The following MAD1L1 variants were observed in gnomAD, a reference collection of about 807,000 sequenced individuals.
MAD1L1 encodes the protein mitotic arrest deficient 1 like 1, also known as mitotic spindle assembly checkpoint protein MAD1.
Under a neutral mutation model 96.9 loss-of-function variants are expected in MAD1L1, and 95 were observed. The ratio of observed to expected loss-of-function variants is 0.98; its 90% CI spans 0.83 to 1.16. The LOEUF (loss-of-function observed/expected upper bound fraction) is 1.16. Among genes scored for constraint, MAD1L1 ranks in the 50% most tolerant of loss-of-function variants. MAD1L1 has a pLI of 0.00. For missense variants in MAD1L1, 1,007 were observed against 954.4 expected, an observed-to-expected ratio of 1.06 and a Z score of -0.73; for synonymous variants, 473 against 396.6, an observed-to-expected ratio of 1.19 and a Z score of -2.29.
intron 10 of MAD1L1, among the ~76,000 whole-genome samples, chr7:2,206,188 A>G (rs535311079): frequency 1.3e-5 from 2 of 152,320 alleles, no homozygotes; most frequent in East Asian, 3.8e-4. Context: ...CATTTTTTAA[A>G]CTATGGTAAT....
At chr7:1,987,066 C>A (rs917204701) in intron 14 of MAD1L1, among the ~76,000 whole-genome samples, 1 of 152,172 alleles carries the variant, frequency 6.6e-6, no homozygotes, top group African/African-American at 2.4e-5. Flanking sequence ...TCCACCTACA[C>A]CCCCCGCTCC....
At chr7:1,909,524 A>G (rs1274368129) in intron 17 of MAD1L1, among the ~76,000 whole-genome samples, 1 of 152,194 alleles carries the variant, frequency 6.6e-6, no homozygotes, top group African/African-American at 2.4e-5. Flanking sequence ...TCTGCAAGAG[A>G]CTGTAGGAGG....
At chr7:2,174,836 T>G (rs1469806380) in intron 10 of MAD1L1, among the ~76,000 whole-genome samples, 1 of 152,222 alleles carries the variant, frequency 6.6e-6, no homozygotes, top group African/African-American at 2.4e-5. Flanking sequence ...AATTTCCATT[T>G]CCTCTACACT....
chr7:2,061,506 C>G (rs562106167), intron 12 of MAD1L1, among the ~76,000 whole-genome samples: 1 of 152,220 alleles, frequency 6.6e-6, no homozygotes, highest in African/African-American at 2.4e-5. Flanking sequence ...CAACAGCTTT[C>G]GAGTACAGGC....
intron 12 of MAD1L1, among the ~76,000 whole-genome samples, chr7:2,048,250 G>T (rs927462142): frequency 6.6e-6 from 1 of 152,244 alleles, no homozygotes; most frequent in Non-Finnish European, 1.5e-5. Flanking sequence ...GTCGGGCAGC[G>T]GGGTAGGTGT....
chr7:1,846,070 A>C (rs1783603812), intron 18 of MAD1L1: 1 of 152,748 alleles, frequency 6.5e-6, no homozygotes, highest in Non-Finnish European at 1.5e-5. Context: ...AGGCAGTCTC[A>C]GGCTGTAGCT....
At chr7:2,100,669 AG>A (rs1263787939) in intron 11 of MAD1L1, among the ~76,000 whole-genome samples, 1 of 152,234 alleles carries the variant, frequency 6.6e-6, no homozygotes, top group Non-Finnish European at 1.5e-5. Context: ...CACAGCAAGC[AG>A]GGAGAGTGGG....
At chr7:1,898,732 TGCCAGGAAGCCACAGG>T (rs1322616763) in intron 17 of MAD1L1, among the ~76,000 whole-genome samples, 4 of 152,106 alleles carry the variant, frequency 2.6e-5, no homozygotes, top group African/African-American at 7.2e-5. Flanking sequence ...GCACAGTCAC[TGCCAGGAAGCCACAGG>T]GTCAGGAAGC....
chr7:2,228,154 C>G (rs949831099), intron 3 of MAD1L1, among the ~76,000 whole-genome samples: 1 of 152,076 alleles, frequency 6.6e-6, no homozygotes, highest in Non-Finnish European at 1.5e-5. Context: ...ATCCCCTCAC[C>G]GAGAGGCCTT....
rs1315884694 is a variant in MAD1L1 at position 2,050,137 on chromosome 7, AGCGTCTGCGGGC to A, written c.1218+19045_1218+19056del. Among the ~76,000 whole-genome samples, 86 of 128,542 alleles carry A rather than the reference AGCGTCTGCGGGC, an allele frequency of 6.7e-4. 1 individual carries two copies. Among genetic ancestry groups the A allele is most frequent in the South Asian group, 9.5e-4 (3 of 3,154 alleles). 84.3% of individuals were successfully genotyped at this position (128,542 alleles called of 152,430 possible). The stretch of plus-strand genomic sequence containing the variant: ...CACACGTTCATGGGGCACCTCACCC[AGCGTCTGCGGGC>A]ACCAGACCACACGTTCACGGGGCAC... On this transcript the variant is annotated intron_variant, in intron 12 of 18. Coordinates refer to ENST00000265854, the MANE Select transcript of MAD1L1 (RefSeq NM_001013836.2).
rs1372014900 is a variant in MAD1L1, at chr7:1,983,136, G to A, written c.1417-2595C>T. The stretch of plus-strand genomic sequence containing the variant: ...CACACGCACACACACCCACAGACGC[G>A]CGCGCGCGCGCGCGCGCGCACACAC... On this transcript the variant is annotated intron_variant, in intron 14 of 18. Coordinates refer to ENST00000265854, the MANE Select transcript of MAD1L1 (RefSeq NM_001013836.2). Among the ~76,000 whole-genome samples the A allele has an allele frequency of 3.1e-3, 406 of 130,382 alleles. 1 individual carries two copies. The highest frequency in any genetic ancestry group is 5.0e-3 in the Admixed American group (58 of 11,706). The allele number at this position is 130,382 out of a possible 152,430, so 85.5% of individuals were successfully genotyped here.
At chr7:1,977,830 C>T (rs1429756932) in intron 15 of MAD1L1, among the ~76,000 whole-genome samples, 2 of 152,210 alleles carry the variant, frequency 1.3e-5, no homozygotes, top group Admixed American at 1.3e-4. Flanking sequence ...GACGCAGGCT[C>T]CTGCGTGGGC....
At chr7:2,123,195 C>T (rs1274152618) in intron 11 of MAD1L1, among the ~76,000 whole-genome samples, 1 of 150,842 alleles carries the variant, frequency 6.6e-6, no homozygotes, top group Non-Finnish European at 1.5e-5. Context: ...CTCAGCTACT[C>T]GGGAGGCTGA....
intron 14 of MAD1L1, among the ~76,000 whole-genome samples, chr7:1,986,990 C>T (rs1212935901): frequency 1.3e-5 from 2 of 152,136 alleles, no homozygotes; most frequent in Non-Finnish European, 2.9e-5. Flanking sequence ...CATCCCCCTC[C>T]AGGCCCATGG....
At chr7:1,910,335 GAA>G (rs1247096722) in intron 17 of MAD1L1, among the ~76,000 whole-genome samples, 1 of 152,092 alleles carries the variant, frequency 6.6e-6, no homozygotes, top group Non-Finnish European at 1.5e-5. Flanking sequence ...TGAATGGACA[GAA>G]AGATGCCTGC....
intron 15 of MAD1L1, among the ~76,000 whole-genome samples, chr7:1,965,112 C>T (rs1161686532): frequency 2.0e-5 from 3 of 152,232 alleles, no homozygotes; most frequent in Non-Finnish European, 4.4e-5. Context: ...GTCTGGCTCA[C>T]AGCAGGCATT....
intron 17 of MAD1L1, among the ~76,000 whole-genome samples, chr7:1,926,172 C>T (rs539596973): frequency 6.6e-6 from 1 of 152,244 alleles, no homozygotes; most frequent in Admixed American, 6.5e-5. Context: ...TGAACCAGTT[C>T]CTCACAATAA....
intron 11 of MAD1L1, among the ~76,000 whole-genome samples, chr7:2,104,447 T>A (rs1383921328): frequency 6.6e-6 from 1 of 152,250 alleles, no homozygotes; most frequent in African/African-American, 2.4e-5. Context: ...CTGACCCGCA[T>A]GTCAAACACG....
intron 11 of MAD1L1, among the ~76,000 whole-genome samples, chr7:2,085,736 T>C (rs1375395986): frequency 6.6e-6 from 1 of 152,176 alleles, no homozygotes; most frequent in Non-Finnish European, 1.5e-5. Context: ...GGCATTTGGG[T>C]TGGCCCCATC....
Sources: gnomAD v4.1 joint callset for allele counts (sites outside exome capture counted in the v4.1 genomes callset) on GRCh38, gnomAD v4.1.1 for gene constraint, MANE v1.5 for transcripts, NCBI Gene and HGNC (gene_info 2026-07-23, HGNC 2026-07-21) for gene names.